The following DPF1 variants were observed in gnomAD, a reference collection of about 807,000 sequenced individuals.
DPF1 encodes zinc finger protein neuro-d4.
A neutral mutation model predicts 58.7 loss-of-function variants in DPF1; 14 were observed. The observed-to-expected ratio is 0.24, with a 90% CI of 0.16 to 0.37. DPF1 has a LOEUF of 0.37. DPF1 is among the 10% of genes least tolerant of loss of function. DPF1 has a pLI of 1.00. For synonymous variants in DPF1, 216 were observed against 216.0 expected (o/e 1.00, Z 0.00); for missense variants, 345 against 529.9 (o/e 0.65, Z 3.43).
At position 38,214,015 on chromosome 19, in the gene DPF1, C is replaced by A. The variant is rs551241885; in HGVS notation, c.899-259G>T. 2.8e-5 allele frequency: 14 copies of A among 501,142 alleles called. No individual in the cohort carries two copies. The East Asian group carries it at 4.5e-4, about 16-fold the overall frequency. The allele number at this position is 501,142 out of a possible 1,614,324, so 31.0% of individuals were successfully genotyped here. ...ACGCCATGGCAACCGCATTCCATTA[C>A]CCACAGTGCTGTGCCAACCACTTTC... is the stretch of plus-strand genomic sequence containing the variant. On this transcript the variant is annotated intron_variant, in intron 9 of 11. Coordinates refer to ENST00000355526, the MANE Select transcript of DPF1 (RefSeq NM_001135155.3).
intron 3 of DPF1, among the ~76,000 whole-genome samples, chr19:38,220,322 AAGAG>A (rs1348469448): frequency 8.3e-6 from 1 of 121,080 alleles, no homozygotes; most frequent in South Asian, 2.7e-4. Context: ...GAAAGAAAGA[AAGAG>A]AAAGAAAGAA....
Position 38,211,851 on chromosome 19 carries a change from A to T in DPF1, c.*212T>A, listed in dbSNP as rs1973445969. 1.7e-6 allele frequency: 1 copy of T among 574,606 alleles called. No homozygotes were observed. Among genetic ancestry groups the T allele is most frequent in the Non-Finnish European group, 3.0e-6 (1 of 329,334 alleles). 35.6% of individuals were successfully genotyped at this position (574,606 alleles called of 1,614,324 possible). ...CTGGTGTCCATTTGCCAAGGGACAGAGAGGGAGGGAGGGAGGGAGAGGCCC... is the reference window on the plus strand; with the variant it reads ...CTGGTGTCCATTTGCCAAGGGACAGTGAGGGAGGGAGGGAGGGAGAGGCCC... On this transcript the variant is annotated 3_prime_UTR_variant, in exon 12 of 12. Coordinates refer to ENST00000355526, the MANE Select transcript of DPF1 (RefSeq NM_001135155.3). The surrounding 1 kb of genome is among the most constrained non-coding windows in gnomAD (Gnocchi z 4.0).
chr19:38,218,454 G>C, intron 5 of DPF1, 119 bp downstream of exon 5: 2 of 1,049,582 alleles, frequency 1.9e-6, no homozygotes, highest in Non-Finnish European at 2.9e-6. Flanking sequence ...AGGCCGCTCT[G>C]GGGATTCAAT....
In DPF1 at chr19:38,217,082, A is replaced by G. The variant is rs191005475; in HGVS notation, c.727+378T>C. Among the ~76,000 whole-genome samples the G allele has an allele frequency of 5.3e-5, 8 of 152,220 alleles. No individual in the cohort carries two copies. In the East Asian group the frequency reaches 1.2e-3, roughly 22 times the overall value. ...TCCCCTCCCCCATCCTTCAGCTGTC[A>G]GAACTGGCATGGGATTGGCAAGGGC... On this transcript the variant is annotated intron_variant, in intron 7 of 11. Transcript: ENST00000355526.
rs377227294 is a variant in DPF1 at position 38,218,955 on chromosome 19, C to T, written c.402G>A (p.Glu134=). The T allele has an allele frequency of 2.8e-5, 45 of 1,614,068 alleles. No individual in the cohort carries two copies. Among genetic ancestry groups the T allele is most frequent in the Middle Eastern group, 1.6e-4 (1 of 6,084 alleles). The change falls in exon 4 of 12, where the codon GAG becomes GAA. Residue 134 remains glutamate (E), a synonymous_variant. Transcript: ENST00000355526. ...CCTGACAGTCCATAATGGTCTCCTC[C>T]TCCTTCAGCTCAATCTTCTTCTCCC... ...ETGEKKIELK[E]EETIMDCQKQ...
rs940582339 is a variant in DPF1 at position 38,222,090 on chromosome 19, C to G, written c.298+267G>C. Reference sequence around the variant, plus strand: ...CCATTGCACGCCAGCCTGGGTGAAACTCTGTCTCAAAAATAAATAAATAAA... The same window carrying G: ...CCATTGCACGCCAGCCTGGGTGAAAGTCTGTCTCAAAAATAAATAAATAAA... On this transcript the variant is annotated intron_variant, in intron 3 of 11. Transcript: ENST00000355526. This position sits in a 1 kb window ranked among gnomAD's most constrained non-coding sequence, Gnocchi z 4.9. Among the ~76,000 whole-genome samples the G allele has an allele frequency of 6.8e-6, 1 of 146,196 alleles. No individual in the cohort carries two copies. Among genetic ancestry groups the G allele is most frequent in the Non-Finnish European group, 1.5e-5 (1 of 66,042 alleles).
chr19:38,220,018 TA>T (rs199924530), intron 3 of DPF1: 27,779 of 142,522 alleles, frequency 0.19, 2,621 homozygotes, highest in African/African-American at 0.23. Flanking sequence ...CATCTCTACT[TA>T]AAAAAAAAAA....
At chr19:38,221,591 G>A (rs1319493801) in intron 3 of DPF1, among the ~76,000 whole-genome samples, 1 of 151,526 alleles carries the variant, frequency 6.6e-6, no homozygotes, top group African/African-American at 2.4e-5. Context: ...CCAGGGGAAG[G>A]GACACAGTCA....
chr19:38,219,002 C>T lies in DPF1; in HGVS notation c.355G>A (p.Ala119Thr). The T allele has an allele frequency of 6.2e-7, 1 of 1,614,188 alleles. No homozygotes were observed. Among genetic ancestry groups the T allele is most frequent in the South Asian group, 1.1e-5 (1 of 91,088 alleles). Reference protein sequence around the residue: ...GGLPEGPVLEALLCAETGEKK... With the variant: ...GGLPEGPVLETLLCAETGEKK... ...TCCCCCGTCTCTGCACACAGTAGAG[C>T]CTCGAGGACCGGCCCTTCCGGGAGG... Residue 119 changes from alanine to threonine, a missense_variant, in exon 4 of 12, where the codon GCT becomes ACT. Physicochemically the swap from Ala to Thr is moderately conservative, Grantham distance 58 (BLOSUM62 0). Coordinates refer to ENST00000355526, the MANE Select transcript of DPF1 (RefSeq NM_001135155.3).
chr19:38,223,909 CG>C (rs2146213390), intron 1 of DPF1: 1 of 563,658 alleles, frequency 1.8e-6, no homozygotes, highest in African/African-American at 1.9e-5. Context: ...AGGCCCCCCA[CG>C]CCCTCCACCC....
At chr19:38,215,630 CACT>C (rs1966962389) in intron 9 of DPF1, among the ~76,000 whole-genome samples, 2 of 152,196 alleles carry the variant, frequency 1.3e-5, no homozygotes, top group Non-Finnish European at 2.9e-5. Context: ...GATGGGATCT[CACT>C]ATGTTGCCCA....
upstream of DPF1, chr19:38,224,242 CG>C: frequency 7.9e-7 from 1 of 1,270,642 alleles, no homozygotes; most frequent in Non-Finnish European, 9.9e-7. This position sits in a 1 kb window ranked among gnomAD's most constrained non-coding sequence, Gnocchi z 4.5. Context: ...TCCCGGGGGG[CG>C]GGAGCACGAG....
chr19:38,219,377 T>G, intron 3 of DPF1: 1 of 348,724 alleles, frequency 2.9e-6, no homozygotes, highest in Non-Finnish European at 5.3e-6. Flanking sequence ...CCCAGACAAA[T>G]ATGGACAGAT....
At chr19:38,217,395 C>CCCA in intron 7 of DPF1, 65 bp downstream of exon 7, 7 of 1,150,378 alleles carry the variant, frequency 6.1e-6, no homozygotes, top group South Asian at 4.3e-5. Flanking sequence ...ACCCCCACCC[C>CCCA]CAGCTGGGCT....
Position 38,222,898 on chromosome 19 carries a change from A to G in DPF1, c.30-190T>C. ...AGGGGACAGGGCCCAGGGGCCCCCA[A>G]ACTGGGACTCAAACAGGCCCCCAGC... On this transcript the variant is annotated intron_variant, in intron 1 of 11. Transcript: ENST00000355526. The surrounding 1 kb of genome is among the most constrained non-coding windows in gnomAD (Gnocchi z 4.9). The G allele has an allele frequency of 1.4e-6, 1 of 722,282 alleles. No homozygotes were observed. Among genetic ancestry groups the G allele is most frequent in the Non-Finnish European group, 2.1e-6 (1 of 476,720 alleles). The allele number at this position is 722,282 out of a possible 1,614,324, so 44.7% of individuals were successfully genotyped here. A position where few individuals can be genotyped will look rare whatever the true frequency, so the allele number is the denominator to read the frequency against.
At chr19:38,226,557 C>T (rs1306433574), upstream of DPF1, among the ~76,000 whole-genome samples, 22 of 142,054 alleles carry the variant, frequency 1.5e-4, no homozygotes, top group African/African-American at 5.6e-4. Flanking sequence ...GTCTTAGACC[C>T]TTTCCACAAA....
chr19:38,218,133 C>G (rs543812679), intron 5 of DPF1, among the ~76,000 whole-genome samples: 1 of 151,984 alleles, frequency 6.6e-6, no homozygotes, highest in African/African-American at 2.4e-5. Flanking sequence ...ACCCGGGAGG[C>G]GGAGGTTGCA....
intron 3 of DPF1, among the ~76,000 whole-genome samples, chr19:38,220,141 T>C (rs1600266441): frequency 7.5e-6 from 1 of 132,882 alleles, no homozygotes; most frequent in Non-Finnish European, 1.5e-5. Flanking sequence ...TGAGCCGAGA[T>C]CGTGCCACTG....
chr19:38,222,812 T>C lies in DPF1; in HGVS notation c.30-104A>G, dbSNP rs935421434. 7 of 1,384,462 alleles carry C rather than the reference T, an allele frequency of 5.1e-6. No individual in the cohort carries two copies. The highest frequency in any genetic ancestry group is 6.6e-6 in the Non-Finnish European group (7 of 1,062,124). The allele number at this position is 1,384,462 out of a possible 1,614,324, so 85.8% of individuals were successfully genotyped here. On this transcript the variant is annotated intron_variant, in intron 1 of 11. Transcript: ENST00000355526. The surrounding 1 kb of genome is among the most constrained non-coding windows in gnomAD (Gnocchi z 4.9). ...CCGGGCCGCCCAGGCTCGGGAGGGG[T>C]GGGCCGACCCCTCCAGCCTCACCTC...
Sources: allele counts gnomAD v4.1 joint callset (sites outside exome capture counted in the v4.1 genomes callset), GRCh38; gene constraint gnomAD v4.1.1; non-coding constraint Gnocchi (gnomAD v3.1); transcripts MANE v1.5; gene names NCBI Gene and HGNC (gene_info 2026-07-23, HGNC 2026-07-21).